Variants in FCHO2 observed in about 807,000 individuals in gnomAD.
FCHO2 encodes the protein FCH and mu domain containing endocytic adaptor 2.
In FCHO2, 43 loss-of-function variants were observed where a neutral mutation model predicts 114.1. The observed-to-expected ratio is 0.38, with a 90% CI of 0.30 to 0.49. The LOEUF is 0.49. Among genes scored for constraint, FCHO2 ranks in the 20% least tolerant of loss-of-function variants. The pLI, the probability that FCHO2 is intolerant of heterozygous loss-of-function variation, is 0.97. For missense variants in FCHO2, 807 were observed against 950.4 expected (o/e 0.85, Z 1.98); for synonymous variants, 293 against 315.2 (o/e 0.93, Z 0.75).
intron 2 of FCHO2, among the ~76,000 whole-genome samples, 164 bp downstream of exon 2, chr5:72,968,753 T>G (rs893755197): frequency 6.6e-6 from 1 of 152,190 alleles, no homozygotes; most frequent in Non-Finnish European, 1.5e-5. Context: ...TCTACACAGC[T>G]GAGGGCTGTA....
At chr5:73,053,045 AT>A (rs1449637106) in intron 13 of FCHO2, among the ~76,000 whole-genome samples, 1 of 152,102 alleles carries the variant, frequency 6.6e-6, no homozygotes, top group East Asian at 1.9e-4. Context: ...ATCCCAGTAA[AT>A]TTTTTCCTCA....
chr5:72,968,267 G>A (rs1043923776), intron 1 of FCHO2, among the ~76,000 whole-genome samples: 2 of 152,162 alleles, frequency 1.3e-5, no homozygotes, highest in African/African-American at 4.8e-5. Context: ...TGATTACAAA[G>A]TGTATGCATA....
chr5:73,082,328 A>G (rs1316190179), intron 23 of FCHO2, among the ~76,000 whole-genome samples: 1 of 150,262 alleles, frequency 6.7e-6, no homozygotes, highest in Non-Finnish European at 1.5e-5. Flanking sequence ...TGGCAAGTCT[A>G]TAGGAACAGG....
chr5:73,023,330 A>T (rs1755730723), intron 8 of FCHO2, among the ~76,000 whole-genome samples: 1 of 152,230 alleles, frequency 6.6e-6, no homozygotes, highest in Non-Finnish European at 1.5e-5. Context: ...TAATTAGATA[A>T]AACTAGAAGA....
At chr5:73,000,876 G>A (rs1754397568) in intron 5 of FCHO2, among the ~76,000 whole-genome samples, 1 of 152,054 alleles carries the variant, frequency 6.6e-6, no homozygotes, top group Non-Finnish European at 1.5e-5. Flanking sequence ...CCAAAGTGGT[G>A]GGATTACAGG....
At chr5:73,018,486 G>A (rs1755431236) in intron 8 of FCHO2, among the ~76,000 whole-genome samples, 1 of 150,844 alleles carries the variant, frequency 6.6e-6, no homozygotes, top group South Asian at 2.1e-4. Flanking sequence ...AGCCTTTAAG[G>A]ATCTCGAGCT....
At chr5:73,078,065 C>T (rs1742974268) in intron 21 of FCHO2, 115 bp from the exon 22 acceptor site, 1 of 714,376 alleles carries the variant, frequency 1.4e-6, no homozygotes, top group Non-Finnish European at 2.1e-6. Flanking sequence ...AATTTTCCTT[C>T]ATCCCACCTC....
chr5:73,075,616 G>A (rs913987390), intron 20 of FCHO2, among the ~76,000 whole-genome samples: 7 of 152,220 alleles, frequency 4.6e-5, no homozygotes, highest in South Asian at 2.1e-4. Context: ...TCAGAGGAGC[G>A]CTGGTTGCTG....
chr5:72,965,898 G>A (rs959715968), intron 1 of FCHO2, among the ~76,000 whole-genome samples: 1 of 152,120 alleles, frequency 6.6e-6, no homozygotes, highest in African/African-American at 2.4e-5. Flanking sequence ...AGGTGGTTTA[G>A]AGTTGAGAGG....
chr5:72,957,705 G>A (rs1461891763), intron 1 of FCHO2, among the ~76,000 whole-genome samples: 1 of 152,174 alleles, frequency 6.6e-6, no homozygotes, highest in Non-Finnish European at 1.5e-5. Flanking sequence ...TTTTGGGAAT[G>A]GGATTCCTGG....
intron 7 of FCHO2, 86 bp downstream of exon 7, chr5:73,015,810 A>G: frequency 1.4e-6 from 1 of 725,558 alleles, no homozygotes; most frequent in Non-Finnish European, 2.1e-6. Flanking sequence ...CTCTGTTCAA[A>G]GTTCATAAGT....
At chr5:73,072,039 T>C (rs897469896) in intron 19 of FCHO2, among the ~76,000 whole-genome samples, 3 of 151,938 alleles carry the variant, frequency 2.0e-5, no homozygotes, top group Non-Finnish European at 2.9e-5. Context: ...ACATTTTTTT[T>C]TTTTAATGAG....
At chr5:73,019,816 TAAAC>T (rs1755517331) in intron 8 of FCHO2, among the ~76,000 whole-genome samples, 2 of 152,116 alleles carry the variant, frequency 1.3e-5, no homozygotes, top group South Asian at 4.1e-4. Context: ...GTCCCCAAAC[TAAAC>T]AAACCCATAG....
At chr5:72,967,951 G>A (rs892666074) in intron 1 of FCHO2, among the ~76,000 whole-genome samples, 3 of 149,836 alleles carry the variant, frequency 2.0e-5, no homozygotes, top group African/African-American at 4.9e-5. Flanking sequence ...TTGAGATGGA[G>A]TCTTGCTCTG....
chr5:72,979,478 G>A (rs1753073307), intron 2 of FCHO2, among the ~76,000 whole-genome samples: 1 of 119,194 alleles, frequency 8.4e-6, no homozygotes, highest in Non-Finnish European at 1.6e-5. Context: ...TGCAAGCTCC[G>A]CCTCCCGGGT....
chr5:72,984,843 C>T (rs1385794463), intron 2 of FCHO2, among the ~76,000 whole-genome samples: 1 of 151,980 alleles, frequency 6.6e-6, no homozygotes, highest in Non-Finnish European at 1.5e-5. Flanking sequence ...ACCAGGTTGC[C>T]CAGGCTGGTC....
chr5:73,051,454 G>A (rs940564445), intron 12 of FCHO2, 48 bp downstream of exon 12: 12 of 1,233,850 alleles, frequency 9.7e-6, no homozygotes, highest in Non-Finnish European at 5.6e-6. Context: ...TGGCATATAA[G>A]TAGGCAGTTA....
chr5:73,034,556 A>C (rs1756398626), intron 8 of FCHO2, 101 bp from the exon 9 acceptor site: 1 of 812,814 alleles, frequency 1.2e-6, no homozygotes, highest in Non-Finnish European at 1.9e-6. Flanking sequence ...ATGCGTTGTC[A>C]ATTAAAAGTA....
chr5:73,049,631 T>G (rs1757248737), intron 11 of FCHO2, among the ~76,000 whole-genome samples: 1 of 152,206 alleles, frequency 6.6e-6, no homozygotes, highest in South Asian at 2.1e-4. Context: ...TTTCTTTGAC[T>G]TTGTGTATGT....
Sources: allele counts gnomAD v4.1 joint callset (sites outside exome capture counted in the v4.1 genomes callset), GRCh38; gene constraint gnomAD v4.1.1; transcripts MANE v1.5; gene names NCBI Gene and HGNC (gene_info 2026-07-23, HGNC 2026-07-21).